HMGCLL1: variants seen among roughly 807,000 people sequenced by gnomAD.
The protein encoded by HMGCLL1 is 3-hydroxymethyl-3-methylglutaryl-CoA lyase, cytoplasmic.
HMGCLL1 carries 36 observed loss-of-function variants against 39.1 expected under a neutral mutation model. That is an observed-to-expected ratio of 0.92 (90% CI 0.71 to 1.22). HMGCLL1 has a LOEUF of 1.22. Among genes scored for constraint, HMGCLL1 ranks in the 50% most tolerant of loss-of-function variants. The probability of loss-of-function intolerance (pLI) is 0.00; values close to 1 mark genes in which losing one functional copy is unlikely to be tolerated. For missense variants in HMGCLL1, 451 were observed against 416.5 expected, an observed-to-expected ratio of 1.08 and a Z score of -0.72; for synonymous variants, 149 against 144.0, an observed-to-expected ratio of 1.03 and a Z score of -0.25.
the HMGCLL1 span, among the ~76,000 whole-genome samples, chr6:55,651,753 A>G: frequency 3.3e-5 from 5 of 151,972 alleles, no homozygotes; most frequent in Non-Finnish European, 4.4e-5. Flanking sequence ...TTGCCAAGAA[A>G]CCCAAGTTAC....
At chr6:55,631,188 A>G in the HMGCLL1 span, among the ~76,000 whole-genome samples, 19 of 152,076 alleles carry the variant, frequency 1.2e-4, no homozygotes, top group African/African-American at 4.6e-4. Flanking sequence ...ATGTCTTTGA[A>G]TAAACTTTCT....
At chr6:55,617,777 C>G in the HMGCLL1 span, among the ~76,000 whole-genome samples, 1 of 152,016 alleles carries the variant, frequency 6.6e-6, no homozygotes, top group Non-Finnish European at 1.5e-5. Flanking sequence ...TTCTAGAGAG[C>G]TCCATGCCCT....
Position 55,579,111 on chromosome 6 carries a change from GC to G in HMGCLL1, c.-57del. ...GAGGGAGACTGGAGGAGGATGAGGG[GC>G]GGGCACCGCGCTGGGAAACTGCGCC... On this transcript the variant is annotated 5_prime_UTR_variant, in exon 1 of 9. Coordinates refer to ENST00000274901, the MANE Select transcript of HMGCLL1 (RefSeq NM_001042406.2). 1 of 1,335,974 alleles carries G rather than the reference GC, an allele frequency of 7.5e-7. No homozygotes were observed. The highest frequency in any genetic ancestry group is 1.1e-6 in the Non-Finnish European group (1 of 948,100). 82.8% of individuals were successfully genotyped at this position (1,335,974 alleles called of 1,614,324 possible).
intron 3 of HMGCLL1, among the ~76,000 whole-genome samples, chr6:55,531,067 C>T (rs1768637545): frequency 6.6e-6 from 1 of 152,150 alleles, no homozygotes; most frequent in Admixed American, 6.5e-5. Flanking sequence ...TATCTTAATG[C>T]TTTAATGTTT....
chr6:55,527,653 A>G (rs1581901148), intron 3 of HMGCLL1, among the ~76,000 whole-genome samples: 1 of 152,180 alleles, frequency 6.6e-6, no homozygotes. Context: ...CCTCTCCTAC[A>G]GCCTAGAAGG....
At chr6:55,666,755 T>C in the HMGCLL1 span, among the ~76,000 whole-genome samples, 1 of 151,708 alleles carries the variant, frequency 6.6e-6, no homozygotes, top group African/African-American at 2.4e-5. Flanking sequence ...ACTGCATGGG[T>C]AGCAGCCAGT....
the HMGCLL1 span, among the ~76,000 whole-genome samples, chr6:55,590,827 G>A: frequency 2.0e-5 from 3 of 151,928 alleles, 1 homozygote; most frequent in South Asian, 6.2e-4. Flanking sequence ...AGTGTGTCAT[G>A]CCAGTTCTCC....
At chr6:55,576,032 C>G (rs1209419657) in intron 1 of HMGCLL1, among the ~76,000 whole-genome samples, 1 of 152,172 alleles carries the variant, frequency 6.6e-6, no homozygotes, top group Non-Finnish European at 1.5e-5. Flanking sequence ...ACCAGACATT[C>G]TGATAAGTGT....
the HMGCLL1 span, among the ~76,000 whole-genome samples, chr6:55,677,281 C>T: frequency 5.9e-5 from 9 of 152,026 alleles, no homozygotes; most frequent in East Asian, 1.9e-4. Flanking sequence ...TCCCACTACT[C>T]GGGAAGCTGA....
the HMGCLL1 span, among the ~76,000 whole-genome samples, chr6:55,678,330 A>C: frequency 6.6e-6 from 1 of 152,224 alleles, no homozygotes; most frequent in South Asian, 2.1e-4. Flanking sequence ...AAAGATCATT[A>C]GCACAAACTT....
chr6:55,575,796 T>C (rs1441392943), intron 1 of HMGCLL1, among the ~76,000 whole-genome samples: 2 of 152,098 alleles, frequency 1.3e-5, no homozygotes, highest in East Asian at 1.9e-4. Context: ...TATTCATCGA[T>C]TGGTGCTAAG....
At chr6:55,517,591 A>C (rs1765067171) in intron 3 of HMGCLL1, among the ~76,000 whole-genome samples, 2 of 152,028 alleles carry the variant, frequency 1.3e-5, no homozygotes, top group Admixed American at 6.6e-5. Context: ...AGAATGCATT[A>C]TTTTTGAATT....
chr6:55,635,325 G>T, the HMGCLL1 span, among the ~76,000 whole-genome samples: 1 of 151,866 alleles, frequency 6.6e-6, no homozygotes, highest in South Asian at 2.1e-4. Flanking sequence ...AACATCCATC[G>T]GGTCAAGCCC....
intron 7 of HMGCLL1, among the ~76,000 whole-genome samples, chr6:55,469,243 C>T (rs1300931006): frequency 6.6e-6 from 1 of 150,592 alleles, no homozygotes. Context: ...TGAAGCCTGA[C>T]ATTTATTTAA....
chr6:55,608,340 AG>A, the HMGCLL1 span, among the ~76,000 whole-genome samples: 4 of 152,214 alleles, frequency 2.6e-5, no homozygotes, highest in Non-Finnish European at 5.9e-5. Context: ...CTGAGTTTAC[AG>A]GATGAATAAG....
the HMGCLL1 span, among the ~76,000 whole-genome samples, chr6:55,616,861 C>T: frequency 3.3e-5 from 5 of 151,202 alleles, no homozygotes; most frequent in African/African-American, 1.2e-4. Flanking sequence ...TGCTATATAA[C>T]AAAAAAATTA....
chr6:55,574,036 T>G (rs1039189797), intron 1 of HMGCLL1, among the ~76,000 whole-genome samples: 11 of 152,106 alleles, frequency 7.2e-5, no homozygotes, highest in African/African-American at 2.7e-4. Context: ...CATTTTGCAC[T>G]GCTATCATGG....
chr6:55,440,347 G>C (rs565670243), intron 7 of HMGCLL1, among the ~76,000 whole-genome samples: 60 of 150,134 alleles, frequency 4.0e-4, no homozygotes, highest in Admixed American at 3.7e-3. Context: ...CTATCTGGTA[G>C]GTGAAATCTT....
In HMGCLL1 at chr6:55,434,971, T is replaced by C. The variant is rs139596498; in HGVS notation, c.*691A>G. On this transcript the variant is annotated 3_prime_UTR_variant, in exon 9 of 9. Transcript: ENST00000274901. Reference sequence around the variant, plus strand: ...TGAGTAACACCATGCTGGTTTTTACTATAACTGATGACAGGTAAAGTGTGG... The same window carrying C: ...TGAGTAACACCATGCTGGTTTTTACCATAACTGATGACAGGTAAAGTGTGG... 912 of 152,560 alleles carry C rather than the reference T, an allele frequency of 6.0e-3. 6 individuals carry two copies. Among genetic ancestry groups the C allele is most frequent in the Non-Finnish European group, 0.01 (692 of 67,998 alleles). The allele number at this position is 152,560 out of a possible 1,614,324, so 9.5% of individuals were successfully genotyped here.
Sources: gnomAD v4.1 joint callset for allele counts (sites outside exome capture counted in the v4.1 genomes callset) on GRCh38, gnomAD v4.1.1 for gene constraint, MANE v1.5 for transcripts, NCBI Gene and HGNC (gene_info 2026-07-23, HGNC 2026-07-21) for gene names.